Variants in PRKG1 observed in about 807,000 individuals in gnomAD.
The protein encoded by PRKG1 is cGMP-dependent protein kinase 1.
PRKG1 carries 35 observed loss-of-function variants against 88.1 expected under a neutral mutation model. The observed-to-expected ratio is 0.40, with a 90% CI of 0.30 to 0.53. PRKG1 has a LOEUF of 0.53. Among genes scored for constraint, PRKG1 ranks in the 20% least tolerant of loss-of-function variants. The pLI, the probability that PRKG1 is intolerant of heterozygous loss-of-function variation, is 0.59. For missense variants in PRKG1, 540 were observed against 839.8 expected (o/e 0.64, Z 4.41); for synonymous variants, 303 against 292.5 (o/e 1.04, Z -0.37).
intron 5 of PRKG1, among the ~76,000 whole-genome samples, chr10:52,039,263 A>G (rs1162415587): frequency 6.6e-6 from 1 of 151,966 alleles, no homozygotes; most frequent in East Asian, 1.9e-4. Flanking sequence ...TGGGTAGGTA[A>G]AGGAAAATTA....
At chr10:51,622,738 A>G (rs997322336) in intron 3 of PRKG1, among the ~76,000 whole-genome samples, 1 of 152,150 alleles carries the variant, frequency 6.6e-6, no homozygotes, top group Non-Finnish European at 1.5e-5. Flanking sequence ...ATTATTGTCA[A>G]AGGGTGGAGG....
chr10:52,052,661 G>A (rs1846018672), intron 5 of PRKG1, among the ~76,000 whole-genome samples: 2 of 152,082 alleles, frequency 1.3e-5, no homozygotes, highest in Non-Finnish European at 2.9e-5. Flanking sequence ...AAGACACAAT[G>A]AGAGCCAAGC....
Position 52,297,481 on chromosome 10 carries a change from A to C in PRKG1, c.*3581A>C, listed in dbSNP as rs1369250815. On this transcript the variant is annotated 3_prime_UTR_variant, in exon 18 of 18. Coordinates refer to ENST00000373980, the MANE Select transcript of PRKG1 (RefSeq NM_006258.4). ...GCGTTTTACAGTTCTTTCTGCTAACAATTTATAAGCCTTTATTATATAATA... is the reference window on the plus strand; with the variant it reads ...GCGTTTTACAGTTCTTTCTGCTAACCATTTATAAGCCTTTATTATATAATA... The C allele has an allele frequency of 2.6e-5, 4 of 152,174 alleles. No homozygotes were observed. The highest frequency in any genetic ancestry group is 4.4e-5 in the Non-Finnish European group (3 of 68,026). 9.4% of individuals were successfully genotyped at this position (152,174 alleles called of 1,614,324 possible).
At chr10:51,353,716 A>G (rs1354481286) in intron 2 of PRKG1, among the ~76,000 whole-genome samples, 1 of 152,222 alleles carries the variant, frequency 6.6e-6, no homozygotes, top group Non-Finnish European at 1.5e-5. Flanking sequence ...AATTAATGCA[A>G]CCACTATGGA....
At chr10:51,701,562 T>C (rs193069848) in intron 3 of PRKG1, among the ~76,000 whole-genome samples, 83 of 152,276 alleles carry the variant, frequency 5.5e-4, no homozygotes, top group African/African-American at 1.7e-3. Context: ...GATTCTTTTA[T>C]TGGGGACGAA....
At chr10:51,569,998 C>T (rs1039939466) in intron 3 of PRKG1, among the ~76,000 whole-genome samples, 26 of 148,118 alleles carry the variant, frequency 1.8e-4, no homozygotes, top group South Asian at 4.2e-4. Context: ...TTAGATCTGA[C>T]GATAAGATGT....
At chr10:51,047,548 T>C (rs1340335365) in intron 1 of PRKG1, among the ~76,000 whole-genome samples, 1 of 151,442 alleles carries the variant, frequency 6.6e-6, no homozygotes, top group East Asian at 1.9e-4. Flanking sequence ...GTTTTTGACA[T>C]TTTGAAAAAA....
At chr10:52,228,695 T>A (rs946628767) in intron 9 of PRKG1, among the ~76,000 whole-genome samples, 1 of 152,180 alleles carries the variant, frequency 6.6e-6, no homozygotes, top group Non-Finnish European at 1.5e-5. Flanking sequence ...ATAATAACAA[T>A]AGTATCATAC....
intron 2 of PRKG1, among the ~76,000 whole-genome samples, chr10:51,221,755 GGTA>G (rs1332118846): frequency 6.6e-6 from 1 of 151,736 alleles, no homozygotes; most frequent in Non-Finnish European, 1.5e-5. Context: ...AACAATGAAA[GGTA>G]GTTATCTAGT....
At chr10:51,546,268 A>C (rs1324889560) in intron 3 of PRKG1, among the ~76,000 whole-genome samples, 1 of 152,106 alleles carries the variant, frequency 6.6e-6, no homozygotes, top group Admixed American at 6.6e-5. Context: ...ATATAAGCAC[A>C]CAAAATACTT....
chr10:51,559,460 G>C (rs934261245), intron 3 of PRKG1, among the ~76,000 whole-genome samples: 23 of 152,090 alleles, frequency 1.5e-4, no homozygotes, highest in Non-Finnish European at 3.2e-4. Flanking sequence ...CTTGGAATCA[G>C]TTCCAGATTG....
chr10:51,997,301 T>A (rs1263278445), intron 5 of PRKG1, among the ~76,000 whole-genome samples: 1 of 151,866 alleles, frequency 6.6e-6, no homozygotes, highest in African/African-American at 2.4e-5. Flanking sequence ...TGAAACCCCG[T>A]CTCTACTAAA....
chr10:52,073,270 G>A (rs886955406), intron 7 of PRKG1, among the ~76,000 whole-genome samples: 2 of 152,218 alleles, frequency 1.3e-5, no homozygotes, highest in Non-Finnish European at 2.9e-5. Context: ...ATATCTGGAA[G>A]ACCTTATTTT....
intron 13 of PRKG1, 60 bp from the exon 14 acceptor site, chr10:52,282,093 T>G (rs1018213086): frequency 7.1e-7 from 1 of 1,416,168 alleles, no homozygotes; most frequent in Non-Finnish European, 9.5e-7. Flanking sequence ...TCAAAATAAC[T>G]TATTACTTTA....
chr10:51,265,100 T>A (rs530337849), intron 2 of PRKG1, among the ~76,000 whole-genome samples: 36 of 151,480 alleles, frequency 2.4e-4, no homozygotes, highest in Admixed American at 7.9e-4. Context: ...ATTCTTTTTT[T>A]AAAAAAAAAG....
intron 4 of PRKG1, among the ~76,000 whole-genome samples, chr10:51,825,574 TG>T (rs1397273068): frequency 6.6e-6 from 1 of 152,072 alleles, no homozygotes; most frequent in Non-Finnish European, 1.5e-5. Context: ...AGAGAGTCCG[TG>T]GTCTGTTCCT....
intron 3 of PRKG1, among the ~76,000 whole-genome samples, chr10:51,588,142 T>C (rs1217549241): frequency 6.6e-6 from 1 of 152,194 alleles, no homozygotes; most frequent in Non-Finnish European, 1.5e-5. Context: ...CTCATTCATT[T>C]AAACCAGAAA....
At chr10:51,143,592 A>T (rs541559662) in intron 1 of PRKG1, among the ~76,000 whole-genome samples, 1 of 152,168 alleles carries the variant, frequency 6.6e-6, no homozygotes, top group East Asian at 1.9e-4. Flanking sequence ...TCTCACCAAC[A>T]GTGTGTAAGG....
intron 4 of PRKG1, among the ~76,000 whole-genome samples, chr10:51,857,298 T>C (rs1303860819): frequency 2.0e-5 from 3 of 152,216 alleles, no homozygotes; most frequent in Non-Finnish European, 4.4e-5. Context: ...TGTATAATAA[T>C]AGTAGTTAAT....
Sources: gnomAD v4.1 joint callset for allele counts (sites outside exome capture counted in the v4.1 genomes callset) on GRCh38, gnomAD v4.1.1 for gene constraint, MANE v1.5 for transcripts, NCBI Gene and HGNC (gene_info 2026-07-23, HGNC 2026-07-21) for gene names.